Variants in USP36 observed in about 807,000 individuals in gnomAD.
The protein encoded by USP36 is ubiquitin carboxyl-terminal hydrolase 36.
A neutral mutation model predicts 111.5 loss-of-function variants in USP36; 59 were observed. The ratio of observed to expected loss-of-function variants is 0.53; its 90% CI spans 0.43 to 0.66. The LOEUF (loss-of-function observed/expected upper bound fraction) is 0.66, where lower values mean the gene tolerates loss of function less well. Among genes scored for constraint, USP36 ranks in the 30% least tolerant of loss-of-function variants. The pLI is 0.00. For missense variants in USP36, 1,488 were observed against 1,468.0 expected (o/e 1.01, Z -0.22); for synonymous variants, 628 against 581.0 (o/e 1.08, Z -1.16).
intron 2 of USP36, among the ~76,000 whole-genome samples, chr17:78,837,607 G>A (rs1422157238): frequency 6.6e-6 from 1 of 152,044 alleles, no homozygotes; most frequent in Non-Finnish European, 1.5e-5. Flanking sequence ...CTCTCCAATC[G>A]CTACCTTTGT....
intron 1 of USP36, among the ~76,000 whole-genome samples, chr17:78,840,187 C>A (rs1281797223): frequency 1.3e-5 from 2 of 152,162 alleles, no homozygotes; most frequent in East Asian, 3.9e-4. Flanking sequence ...GGAGTCTCCC[C>A]TCTCGTGTGT....
chr17:78,818,628 G>A (rs759081301), intron 10 of USP36, 39 bp downstream of exon 10: 2 of 1,570,934 alleles, frequency 1.3e-6, no homozygotes, highest in South Asian at 1.1e-5. Flanking sequence ...GCCGACTGTG[G>A]CCCACGGAGC....
intron 10 of USP36, among the ~76,000 whole-genome samples, chr17:78,815,670 A>G (rs774455798): frequency 3.3e-5 from 5 of 151,674 alleles, no homozygotes; most frequent in East Asian, 1.9e-4. Context: ...AAGAAAGGTC[A>G]TGCTAAAATG....
intron 13 of USP36, among the ~76,000 whole-genome samples, chr17:78,809,470 C>T (rs2093996307): frequency 6.6e-6 from 1 of 152,092 alleles, no homozygotes; most frequent in Non-Finnish European, 1.5e-5. Flanking sequence ...AACGGCTCGT[C>T]TGCTTGCAGT....
At chr17:78,802,604 C>T (rs2093782281) in intron 16 of USP36, 69 bp from the exon 17 acceptor site, 11 of 1,451,794 alleles carry the variant, frequency 7.6e-6, no homozygotes, top group South Asian at 1.3e-5. Flanking sequence ...GCACAGACAC[C>T]CGCCTGCAAC....
chr17:78,823,614 A>ATTC (rs1475084857), intron 6 of USP36, among the ~76,000 whole-genome samples: 3 of 152,202 alleles, frequency 2.0e-5, no homozygotes, highest in African/African-American at 7.2e-5. Flanking sequence ...GGGCACCCTG[A>ATTC]AGTGAAGTGC....
At position 78,798,996 on chromosome 17, in the gene USP36, G is replaced by T; in HGVS notation, c.3152C>A (p.Ala1051Glu). ...GTCTTCAATAGCATCCTGACTGACCGCCGACATCTTGCCATCCCAGGTCAG... is the reference window on the plus strand; with the variant it reads ...GTCTTCAATAGCATCCTGACTGACCTCCGACATCTTGCCATCCCAGGTCAG... ...KVLTWDGKMS[A>E]VSQDAIEDSR... Residue 1051 changes from alanine (A) to glutamate (E), a missense_variant, in exon 19 of 21, where the codon GCG (alanine) becomes GAG (glutamate). By Grantham distance (107) the Ala-to-Glu change is moderately radical (BLOSUM62 -1). Around this residue, in one of 3 missense-constraint regions of USP36, gnomAD observed 1,073 missense variants for 994.1 expected, o/e 1.08. Coordinates refer to ENST00000449938, the MANE Select transcript of USP36 (RefSeq NM_001385174.1). The surrounding 1 kb of genome is among the most constrained non-coding windows in gnomAD (Gnocchi z 5.1). 2 of 1,614,054 alleles carry T rather than the reference G, an allele frequency of 1.2e-6. No individual in the cohort carries two copies. The highest frequency in any genetic ancestry group is 1.7e-6 in the Non-Finnish European group (2 of 1,180,040).
chr17:78,802,610 G>T, intron 16 of USP36, 75 bp from the exon 17 acceptor site: 1 of 1,424,732 alleles, frequency 7.0e-7, no homozygotes, highest in Non-Finnish European at 9.5e-7. Context: ...ACACCCGCCT[G>T]CAACATGGAG....
downstream of USP36, among the ~76,000 whole-genome samples, chr17:78,794,932 G>A (rs1286457977): frequency 4.0e-5 from 6 of 151,628 alleles, no homozygotes; most frequent in Admixed American, 2.6e-4. Context: ...GCTTGAACCC[G>A]GGAGGCAGAG....
At chr17:78,835,878 G>C in intron 3 of USP36, 1 of 641,236 alleles carries the variant, frequency 1.6e-6, no homozygotes, top group Non-Finnish European at 2.6e-6. Flanking sequence ...TGGGATAGGG[G>C]GACAGCAAGT....
chr17:78,832,859 T>C (rs530606791), intron 4 of USP36, among the ~76,000 whole-genome samples: 3 of 152,280 alleles, frequency 2.0e-5, no homozygotes, highest in African/African-American at 7.2e-5. Context: ...ATCTCAACAA[T>C]GTGCTTCTGC....
At chr17:78,839,921 T>C (rs577729864) in intron 1 of USP36, among the ~76,000 whole-genome samples, 2 of 152,216 alleles carry the variant, frequency 1.3e-5, no homozygotes, top group East Asian at 3.9e-4. Context: ...CCAGCACCAT[T>C]TAGGCTCATT....
intron 10 of USP36, among the ~76,000 whole-genome samples, chr17:78,816,240 A>C (rs1339914665): frequency 2.0e-5 from 3 of 151,936 alleles, no homozygotes; most frequent in Non-Finnish European, 4.4e-5. Flanking sequence ...GCTCACTGTA[A>C]CTTCAAACTC....
chr17:78,840,121 G>A (rs973277190), intron 1 of USP36, among the ~76,000 whole-genome samples: 1 of 152,062 alleles, frequency 6.6e-6, no homozygotes, highest in Non-Finnish European at 1.5e-5. Context: ...ACAGCGACCC[G>A]AGCACCTCTC....
Position 78,798,700 on chromosome 17 carries a change from G to A in USP36, c.3241-149C>T. The stretch of plus-strand genomic sequence containing the variant: ...CTTCACAATGACCCCTGTGCACGGC[G>A]ACCTGCAGTCCCCCTATTGACAAAG... On this transcript the variant is annotated intron_variant, in intron 19 of 20. Coordinates refer to ENST00000449938, the MANE Select transcript of USP36 (RefSeq NM_001385174.1). This position sits in a 1 kb window ranked among gnomAD's most constrained non-coding sequence, Gnocchi z 5.1. The A allele has an allele frequency of 1.5e-6, 2 of 1,314,054 alleles. No homozygotes were observed. Among genetic ancestry groups the A allele is most frequent in the Non-Finnish European group, 2.1e-6 (2 of 947,358 alleles). The allele number at this position is 1,314,054 out of a possible 1,614,324, so 81.4% of individuals were successfully genotyped here.
intron 15 of USP36, among the ~76,000 whole-genome samples, chr17:78,804,625 TAAAAAAAAAAAAAAAAA>T (rs35371422): frequency 2.6e-5 from 1 of 38,310 alleles, no homozygotes; most frequent in Admixed American, 3.0e-4. Flanking sequence ...CCCTGAGATT[TAAAAAAAAAAAAAAAAA>T]AAAAAAAAAA....
intron 5 of USP36, among the ~76,000 whole-genome samples, chr17:78,828,359 A>C (rs1466126799): frequency 6.6e-6 from 1 of 152,222 alleles, no homozygotes; most frequent in Non-Finnish European, 1.5e-5. Flanking sequence ...AATGTGAATG[A>C]GACTTTTTTA....
At chr17:78,840,641 C>G in intron 1 of USP36, 95 bp downstream of exon 1, 1 of 152,602 alleles carries the variant, frequency 6.6e-6, no homozygotes, top group East Asian at 1.9e-4. Flanking sequence ...CCCGGCTGCG[C>G]CCGCCAGCCC....
At chr17:78,802,277 G>GC in intron 17 of USP36, 47 bp downstream of exon 17, 1 of 1,234,860 alleles carries the variant, frequency 8.1e-7, no homozygotes. Flanking sequence ...CCAACCCCTC[G>GC]CCCGGTGCAC....
Sources: allele counts gnomAD v4.1 joint callset (sites outside exome capture counted in the v4.1 genomes callset), GRCh38; gene constraint gnomAD v4.1.1; regional missense constraint gnomAD v4.1.1; non-coding constraint Gnocchi (gnomAD v3.1); transcripts MANE v1.5; gene names NCBI Gene and HGNC (gene_info 2026-07-23, HGNC 2026-07-21).